The following ELFN2 variants were observed in gnomAD, a reference collection of about 807,000 sequenced individuals.
The protein encoded by ELFN2 is extracellular leucine rich repeat and fibronectin type III domain containing 2.
In ELFN2, 17 loss-of-function variants were observed where a neutral mutation model predicts 45.5. The ratio of observed to expected loss-of-function variants is 0.37; its 90% CI spans 0.26 to 0.56. The LOEUF is 0.56. Ranked by LOEUF, ELFN2 falls within the 20% of genes least tolerant of loss-of-function variation. The pLI is 0.77. For synonymous variants in ELFN2, 550 were observed against 551.5 expected (o/e 1.00, Z 0.04); for missense variants, 922 against 1,183.2 (o/e 0.78, Z 3.24).
intron 2 of ELFN2, among the ~76,000 whole-genome samples, chr22:37,380,593 G>T (rs143481116): frequency 6.6e-6 from 1 of 152,268 alleles, no homozygotes; most frequent in East Asian, 1.9e-4. Context: ...ATTTGCAGCA[G>T]CTCATAAGCC....
intron 2 of ELFN2, among the ~76,000 whole-genome samples, chr22:37,410,818 T>C (rs1244375676): frequency 6.6e-6 from 1 of 152,158 alleles, no homozygotes; most frequent in Non-Finnish European, 1.5e-5. Context: ...CCCACGCGTC[T>C]ACTCCAAAGC....
At chr22:37,420,450 TCACCTC>T (rs1215243780) in intron 1 of ELFN2, 1 of 152,976 alleles carries the variant, frequency 6.5e-6, no homozygotes, top group African/African-American at 2.4e-5. Flanking sequence ...TTCTCTGCCC[TCACCTC>T]CACCTCCGCC....
At chr22:37,392,135 C>A (rs75898885) in intron 2 of ELFN2, among the ~76,000 whole-genome samples, 1 of 152,190 alleles carries the variant, frequency 6.6e-6, no homozygotes, top group East Asian at 1.9e-4. Context: ...TAACTGCTAC[C>A]GTTAGACTTT....
At chr22:37,398,062 G>C (rs9607458) in intron 2 of ELFN2, among the ~76,000 whole-genome samples, 3 of 152,072 alleles carry the variant, frequency 2.0e-5, no homozygotes, top group Non-Finnish European at 4.4e-5. Flanking sequence ...GCCACGCTGC[G>C]GGTGGATTAT....
At chr22:37,356,010 C>G (rs1013300968) in intron 1 of ELFN2, among the ~76,000 whole-genome samples, 5 of 152,154 alleles carry the variant, frequency 3.3e-5, no homozygotes, top group African/African-American at 1.2e-4. Flanking sequence ...AAAAGCAAAG[C>G]CTGAGACAGG....
At chr22:37,388,494 C>T (rs987882226) in intron 2 of ELFN2, among the ~76,000 whole-genome samples, 2 of 152,208 alleles carry the variant, frequency 1.3e-5, no homozygotes, top group African/African-American at 2.4e-5. Flanking sequence ...GAAATCGAGG[C>T]TCCAAGTAAT....
chr22:37,366,165 T>C (rs1401009513), downstream of ELFN2, among the ~76,000 whole-genome samples: 2 of 152,218 alleles, frequency 1.3e-5, no homozygotes, highest in Non-Finnish European at 2.9e-5. Flanking sequence ...CTAATTGCAT[T>C]TGTAAACAGG....
rs142863038 is a variant in ELFN2 at position 37,407,059 on chromosome 22, T to C, written c.-463+10710A>G. Among the ~76,000 whole-genome samples the C allele has an allele frequency of 8.8e-4, 134 of 152,344 alleles. 1 individual carries two copies. The East Asian group carries it at 0.016, about 18-fold the overall frequency. On this transcript the variant is annotated intron_variant, in intron 2 of 2. Coordinates refer to ENST00000402918, the MANE Select transcript of ELFN2 (RefSeq NM_052906.5). ...AGATGGACAATTTGAAGCTGGATAA[T>C]TGAGCAATGATCAGAGGGAAGTTTC...
intron 1 of ELFN2, among the ~76,000 whole-genome samples, chr22:37,346,449 C>T (rs1206194445): frequency 3.9e-5 from 6 of 152,104 alleles, no homozygotes; most frequent in Non-Finnish European, 7.4e-5. Flanking sequence ...CTGTCCCCAC[C>T]CTACACACCC....
downstream of ELFN2, among the ~76,000 whole-genome samples, chr22:37,363,014 C>T (rs1403942366): frequency 6.6e-6 from 1 of 152,182 alleles, no homozygotes; most frequent in Admixed American, 6.5e-5. Context: ...AACAGCAGCC[C>T]AGGGCCCCCC....
At chr22:37,411,872 C>T (rs1005901545) in intron 2 of ELFN2, among the ~76,000 whole-genome samples, 1 of 152,100 alleles carries the variant, frequency 6.6e-6, no homozygotes, top group African/African-American at 2.4e-5. Flanking sequence ...ACCACTCAGG[C>T]GTGGGATCTA....
intron 2 of ELFN2, among the ~76,000 whole-genome samples, chr22:37,392,679 A>G (rs1932114744): frequency 6.6e-6 from 1 of 152,192 alleles, no homozygotes; most frequent in African/African-American, 2.4e-5. Flanking sequence ...CTCAGAGATT[A>G]AGTGACATCC....
chr22:37,404,242 A>C (rs1297460917), intron 2 of ELFN2, among the ~76,000 whole-genome samples: 1 of 152,142 alleles, frequency 6.6e-6, no homozygotes, highest in African/African-American at 2.4e-5. Flanking sequence ...AGGGTTTGGA[A>C]TGCATCGGAG....
intron 2 of ELFN2, among the ~76,000 whole-genome samples, chr22:37,409,007 T>C (rs1569142419): frequency 6.6e-6 from 1 of 152,164 alleles, no homozygotes; most frequent in Non-Finnish European, 1.5e-5. Context: ...GACTCAGGAC[T>C]CCCTGTCCAG....
intron 1 of ELFN2, among the ~76,000 whole-genome samples, chr22:37,422,887 G>A (rs12169707): frequency 0.044 from 5,625 of 126,610 alleles, 178 homozygotes; most frequent in African/African-American, 0.091. Context: ...GAGCCACCAC[G>A]CCCAACCAAG....
intron 2 of ELFN2, among the ~76,000 whole-genome samples, chr22:37,341,857 A>T (rs916480280): frequency 5.3e-5 from 8 of 152,198 alleles, no homozygotes; most frequent in Admixed American, 2.6e-4. Context: ...AATGAGGAAG[A>T]GGCACAAATG....
chr22:37,386,661 T>C (rs1394384947), intron 2 of ELFN2, among the ~76,000 whole-genome samples: 1 of 152,120 alleles, frequency 6.6e-6, no homozygotes, highest in African/African-American at 2.4e-5. Flanking sequence ...AAGGAGGCTC[T>C]GTCGGTGCAG....
chr22:37,408,572 C>T (rs1212670214), intron 2 of ELFN2, among the ~76,000 whole-genome samples: 1 of 152,194 alleles, frequency 6.6e-6, no homozygotes, highest in African/African-American at 2.4e-5. Flanking sequence ...AAACTGCCAC[C>T]CCTACCATAT....
chr22:37,380,281 G>A (rs1262416599), intron 2 of ELFN2, among the ~76,000 whole-genome samples: 5 of 152,280 alleles, frequency 3.3e-5, no homozygotes, highest in Middle Eastern at 3.4e-3. Flanking sequence ...CAGCAGGGAA[G>A]ATGCAGGCCC....
Sources: allele counts gnomAD v4.1 joint callset (sites outside exome capture counted in the v4.1 genomes callset), GRCh38; gene constraint gnomAD v4.1.1; transcripts MANE v1.5; gene names NCBI Gene and HGNC (gene_info 2026-07-23, HGNC 2026-07-21).